Variants in RAB8A observed in about 807,000 individuals in gnomAD.
RAB8A encodes the protein ras-related protein Rab-8A.
A neutral mutation model predicts 29.2 loss-of-function variants in RAB8A; 5 were observed. The observed-to-expected ratio is 0.17, with a 90% confidence interval of 0.09 to 0.36. RAB8A has a LOEUF of 0.36. Among genes scored for constraint, RAB8A ranks in the 10% least tolerant of loss-of-function variants. RAB8A has a pLI of 1.00. For missense variants in RAB8A, 171 were observed against 272.2 expected (o/e 0.63, Z 2.62); for synonymous variants, 108 against 99.9 (o/e 1.08, Z -0.49).
In RAB8A at chr19:16,127,412, C is replaced by T. The variant is rs761574325; in HGVS notation, c.325-25C>T. The stretch of plus-strand genomic sequence containing the variant: ...CTGGCCTGTGTCATCCGGTCTGATC[C>T]CCCGTCTGTCCCCCTCCCTCTCAGC... On this transcript the variant is annotated intron_variant, in intron 4 of 7. Coordinates refer to ENST00000300935, the MANE Select transcript of RAB8A (RefSeq NM_005370.5). This position sits in a 1 kb window ranked among gnomAD's most constrained non-coding sequence, Gnocchi z 4.8. 2 of 1,426,668 alleles carry T rather than the reference C, an allele frequency of 1.4e-6. No individual in the cohort carries two copies. Among genetic ancestry groups the T allele is most frequent in the Non-Finnish European group, 1.9e-6 (2 of 1,077,090 alleles). 88.4% of individuals were successfully genotyped at this position (1,426,668 alleles called of 1,614,324 possible).
chr19:16,116,944 C>G lies in RAB8A; in HGVS notation c.125-1282C>G, dbSNP rs75027753. Among the ~76,000 whole-genome samples, 4 of 151,612 alleles carry G rather than the reference C, an allele frequency of 2.6e-5. No individual in the cohort carries two copies. The South Asian group carries it at 8.3e-4, about 32-fold the overall frequency. ...CCTTCCAGTTTCCCCATGTGCCCCCCCAGCCCCAGACAACTGCTAATCAGC... is the reference window on the plus strand; with the variant it reads ...CCTTCCAGTTTCCCCATGTGCCCCCGCAGCCCCAGACAACTGCTAATCAGC... On this transcript the variant is annotated intron_variant, in intron 1 of 7. Transcript: ENST00000300935.
In RAB8A at chr19:16,125,190, C is replaced by G; in HGVS notation, c.247-280C>G. The G allele has an allele frequency of 1.9e-6, 1 of 520,804 alleles. No homozygotes were observed. The highest frequency in any genetic ancestry group is 3.5e-6 in the Non-Finnish European group (1 of 286,046). 32.3% of individuals were successfully genotyped at this position (520,804 alleles called of 1,614,324 possible). A position where few individuals can be genotyped will look rare whatever the true frequency, so the allele number is the denominator to read the frequency against. The stretch of plus-strand genomic sequence containing the variant: ...GAGGGGAGCCAGCCGGGCTTGTCAG[C>G]GAGTGCGTGGCAGGGGCTGGCCTGT... On this transcript the variant is annotated intron_variant, in intron 3 of 7. Coordinates refer to ENST00000300935, the MANE Select transcript of RAB8A (RefSeq NM_005370.5). This position sits in a 1 kb window ranked among gnomAD's most constrained non-coding sequence, Gnocchi z 5.0.
At chr19:16,115,232 G>C (rs188829407) in intron 1 of RAB8A, among the ~76,000 whole-genome samples, 3 of 152,044 alleles carry the variant, frequency 2.0e-5, no homozygotes, top group African/African-American at 7.2e-5. Context: ...AGGTTGCAGT[G>C]AGCCAAGATT....
chr19:16,124,713 C>CG (rs1283291527), intron 3 of RAB8A: 3 of 87,348 alleles, frequency 3.4e-5, no homozygotes, highest in African/African-American at 1.3e-4. Flanking sequence ...TGGAGTTAGC[C>CG]CCCCCCCGCC....
At chr19:16,126,484 T>C (rs2090901733) in intron 4 of RAB8A, 1 of 152,312 alleles carries the variant, frequency 6.6e-6, no homozygotes. Flanking sequence ...AGAGACCAAG[T>C]CTGAGCTGGT....
intron 1 of RAB8A, chr19:16,112,254 C>A: frequency 1.8e-6 from 1 of 560,230 alleles, no homozygotes; most frequent in Non-Finnish European, 3.1e-6. Flanking sequence ...GGCTCCGACC[C>A]TCAGCCCGCT....
chr19:16,123,856 GA>G (rs2090885482), intron 3 of RAB8A: 1 of 152,072 alleles, frequency 6.6e-6, no homozygotes, highest in South Asian at 2.1e-4. Context: ...CGGGGCCCTG[GA>G]AAATAGTCAC....
In RAB8A at chr19:16,134,118, A is replaced by C. The variant is rs1400374461; in HGVS notation, c.*1814A>C. 1 of 152,426 alleles carries C rather than the reference A, an allele frequency of 6.6e-6. No homozygotes were observed. Among genetic ancestry groups the C allele is most frequent in the East Asian group, 1.9e-4 (1 of 5,200 alleles). The allele number at this position is 152,426 out of a possible 1,614,324, so 9.4% of individuals were successfully genotyped here. A position where few individuals can be genotyped will look rare whatever the true frequency, so the allele number is the denominator to read the frequency against. ...GCCAAGATCACAGCAAAATCAGCAA[A>C]GGGAAAAGGCATGCAGAGTGAAGTC... On this transcript the variant is annotated 3_prime_UTR_variant, in exon 8 of 8. Transcript: ENST00000300935.
chr19:16,117,813 G>A (rs1393361540), intron 1 of RAB8A, among the ~76,000 whole-genome samples: 1 of 152,208 alleles, frequency 6.6e-6, no homozygotes, highest in Non-Finnish European at 1.5e-5. Flanking sequence ...GAGAGAACGT[G>A]ACCATGTGCA....
chr19:16,124,251 C>G (rs1568320856), intron 3 of RAB8A: 1 of 152,074 alleles, frequency 6.6e-6, no homozygotes, highest in Non-Finnish European at 1.5e-5. Context: ...TATTCATGTC[C>G]CTGAATTCCC....
At chr19:16,120,617 T>C (rs2090870298) in intron 2 of RAB8A, among the ~76,000 whole-genome samples, 2 of 150,190 alleles carry the variant, frequency 1.3e-5, no homozygotes, top group African/African-American at 4.9e-5. Context: ...GGCTTTTTTT[T>C]TTTTTTTTCC....
At chr19:16,128,349 T>G (rs1486290059) in intron 6 of RAB8A, among the ~76,000 whole-genome samples, 1 of 152,152 alleles carries the variant, frequency 6.6e-6, no homozygotes, top group Non-Finnish European at 1.5e-5. Context: ...TGGGCAGCCC[T>G]GGGGAATAGG....
chr19:16,126,701 T>G (rs7249915), intron 4 of RAB8A: 46,219 of 152,092 alleles, frequency 0.3, 7,233 homozygotes, highest in South Asian at 0.35. Context: ...AGCCCAAAAA[T>G]AGTTGAAATG....
intron 1 of RAB8A, among the ~76,000 whole-genome samples, chr19:16,116,669 T>C (rs1176305622): frequency 6.6e-6 from 1 of 152,132 alleles, no homozygotes. Flanking sequence ...ACCCTGTCTC[T>C]ACTAAAAATA....
chr19:16,128,250 C>T (rs1047452212), intron 6 of RAB8A, among the ~76,000 whole-genome samples, 159 bp downstream of exon 6: 1 of 152,170 alleles, frequency 6.6e-6, no homozygotes, highest in Non-Finnish European at 1.5e-5. Context: ...TGGGCAGTGC[C>T]ACGTGCCAAG....
At chr19:16,112,126 G>A in intron 1 of RAB8A, 101 bp downstream of exon 1, 1 of 1,493,182 alleles carries the variant, frequency 6.7e-7, no homozygotes, top group Non-Finnish European at 9.0e-7. Context: ...CGGGCCGAGG[G>A]CGCTGAGAGG....
rs1371855880 is a variant in RAB8A, at chr19:16,125,614, C to A, written c.324+67C>A. ...TTGTCCCAGAGCCCTCTGGTTTACT[C>A]ATGAGAAGGCCAAGGTGCAGAGACA... On this transcript the variant is annotated intron_variant, in intron 4 of 7. Coordinates refer to ENST00000300935, the MANE Select transcript of RAB8A (RefSeq NM_005370.5). The surrounding 1 kb of genome is among the most constrained non-coding windows in gnomAD (Gnocchi z 5.0). 4 of 1,444,356 alleles carry A rather than the reference C, an allele frequency of 2.8e-6. No individual in the cohort carries two copies. Among genetic ancestry groups the A allele is most frequent in the Non-Finnish European group, 3.9e-6 (4 of 1,038,002 alleles). The allele number at this position is 1,444,356 out of a possible 1,614,324, so 89.5% of individuals were successfully genotyped here.
At chr19:16,112,714 G>A (rs1044150671) in intron 1 of RAB8A, 1 of 152,862 alleles carries the variant, frequency 6.5e-6, no homozygotes, top group Non-Finnish European at 1.5e-5. Context: ...TTGGAGCCGG[G>A]ACTCTAACCC....
chr19:16,118,317 C>T (rs1266274164), intron 2 of RAB8A, 31 bp downstream of exon 2: 1 of 1,594,394 alleles, frequency 6.3e-7, no homozygotes. Context: ...TCATTCTCTC[C>T]ACCTGGCAAT....
Sources: gnomAD v4.1 joint callset for allele counts (sites outside exome capture counted in the v4.1 genomes callset) on GRCh38, gnomAD v4.1.1 for gene constraint, Gnocchi (gnomAD v3.1) non-coding constraint, MANE v1.5 for transcripts, NCBI Gene and HGNC (gene_info 2026-07-23, HGNC 2026-07-21) for gene names.